The following PDE3A variants were observed in gnomAD, a reference collection of about 807,000 sequenced individuals.
PDE3A encodes cGMP-inhibited 3',5'-cyclic phosphodiesterase 3A.
PDE3A carries 43 observed loss-of-function variants against 98.3 expected under a neutral mutation model. The ratio of observed to expected loss-of-function variants is 0.44; its 90% CI spans 0.34 to 0.56. The LOEUF (loss-of-function observed/expected upper bound fraction) is 0.56, where lower values mean the gene tolerates loss of function less well. PDE3A is among the 20% of genes least tolerant of loss of function. The probability of loss-of-function intolerance (pLI) is 0.01; values close to 1 mark genes in which losing one functional copy is unlikely to be tolerated. For synonymous variants in PDE3A, 663 were observed against 567.9 expected (o/e 1.17, Z -2.38); for missense variants, 1,427 against 1,440.7 (o/e 0.99, Z 0.15).
chr12:20,440,049 TA>T (rs887997119), intron 1 of PDE3A, among the ~76,000 whole-genome samples: 2 of 152,138 alleles, frequency 1.3e-5, no homozygotes, highest in African/African-American at 2.4e-5. Context: ...GGGTACTGTA[TA>T]AAAAATGATG....
At chr12:20,568,550 A>G (rs1221268202) in intron 2 of PDE3A, among the ~76,000 whole-genome samples, 1 of 151,986 alleles carries the variant, frequency 6.6e-6, no homozygotes, top group Non-Finnish European at 1.5e-5. Flanking sequence ...AGAGGCTGTC[A>G]TTTGTTATAC....
Position 20,644,888 on chromosome 12 carries a change from CTTCTT to C in PDE3A, c.2252-1599_2252-1595del, listed in dbSNP as rs1385490264. Among the ~76,000 whole-genome samples, 483 of 83,838 alleles carry C rather than the reference CTTCTT, an allele frequency of 5.8e-3. 6 individuals carry two copies. Among genetic ancestry groups the C allele is most frequent in the African/African-American group, 0.023 (461 of 20,290 alleles). 55.0% of individuals were successfully genotyped at this position (83,838 alleles called of 152,430 possible). On this transcript the variant is annotated intron_variant, in intron 10 of 15. Coordinates refer to ENST00000359062, the MANE Select transcript of PDE3A (RefSeq NM_000921.5). ...CCTCTTCCCCCTCTTCCTCTTCTTC[CTTCTT>C]TTTTTTTTTTTTTTGGATACAGTTT...
Position 20,559,670 on chromosome 12 carries a change from C to CAA in PDE3A, c.1011+2970_1011+2971dup, listed in dbSNP as rs147667067. On this transcript the variant is annotated intron_variant, in intron 2 of 15. Coordinates refer to ENST00000359062, the MANE Select transcript of PDE3A (RefSeq NM_000921.5). Reference sequence around the variant, plus strand: ...TGGGCAACAGAACGAGACCCCATATCAAAAAAAAAAAGACTGCATATATAC... The same window carrying CAA: ...TGGGCAACAGAACGAGACCCCATATCAAAAAAAAAAAAAGACTGCATATATAC... Among the ~76,000 whole-genome samples the CAA allele has an allele frequency of 5.7e-3, 789 of 137,740 alleles. 5 individuals carry two copies. Among genetic ancestry groups the CAA allele is most frequent in the Non-Finnish European group, 8.2e-3 (523 of 63,500 alleles). 90.4% of individuals were successfully genotyped at this position (137,740 alleles called of 152,430 possible). A position where few individuals can be genotyped will look rare whatever the true frequency, so the allele number is the denominator to read the frequency against.
At chr12:20,542,010 A>C (rs1207155345) in intron 1 of PDE3A, among the ~76,000 whole-genome samples, 1 of 152,122 alleles carries the variant, frequency 6.6e-6, no homozygotes, top group Non-Finnish European at 1.5e-5. Flanking sequence ...CAAATAAGAA[A>C]GCCAAGGGTC....
intron 15 of PDE3A, among the ~76,000 whole-genome samples, chr12:20,673,874 A>G (rs1402885638): frequency 2.0e-5 from 3 of 151,932 alleles, no homozygotes; most frequent in Admixed American, 6.6e-5. Flanking sequence ...AAAAATAAAA[A>G]TAAAAATAAA....
chr12:20,608,128 G>A (rs934495535), intron 2 of PDE3A, among the ~76,000 whole-genome samples: 2 of 152,026 alleles, frequency 1.3e-5, no homozygotes, highest in African/African-American at 4.8e-5. Context: ...TAGCTTACCT[G>A]CTATTTATTG....
intron 6 of PDE3A, among the ~76,000 whole-genome samples, chr12:20,632,193 T>C (rs567295062): frequency 6.6e-6 from 1 of 152,336 alleles, no homozygotes; most frequent in African/African-American, 2.4e-5. Flanking sequence ...GTCCTATCAT[T>C]TTCTTTTTAT....
intron 1 of PDE3A, among the ~76,000 whole-genome samples, chr12:20,474,073 G>A (rs1945485498): frequency 6.6e-6 from 1 of 152,148 alleles, no homozygotes; most frequent in South Asian, 2.1e-4. Context: ...ACACTCCAAA[G>A]TGATTGTAGC....
intron 1 of PDE3A, among the ~76,000 whole-genome samples, chr12:20,479,718 ACACTTGGG>A (rs1458858617): frequency 6.6e-6 from 1 of 152,182 alleles, no homozygotes; most frequent in Non-Finnish European, 1.5e-5. Flanking sequence ...TACACTGAGG[ACACTTGGG>A]CAAGAGGCTT....
chr12:20,672,552 A>G (rs1374694810), intron 15 of PDE3A, among the ~76,000 whole-genome samples: 2 of 151,250 alleles, frequency 1.3e-5, no homozygotes, highest in Admixed American at 6.6e-5. Flanking sequence ...CTGCATATCT[A>G]CAACTATCTG....
At chr12:20,518,533 T>G (rs1398300896) in intron 1 of PDE3A, among the ~76,000 whole-genome samples, 4 of 148,914 alleles carry the variant, frequency 2.7e-5, no homozygotes, top group African/African-American at 9.9e-5. Context: ...AATAGAAGAC[T>G]GCTTTTTAAA....
chr12:20,428,602 T>G (rs894972633), intron 1 of PDE3A, among the ~76,000 whole-genome samples: 2 of 152,072 alleles, frequency 1.3e-5, no homozygotes. Flanking sequence ...TTTAAAGATA[T>G]TTATTTATAT....
intron 1 of PDE3A, among the ~76,000 whole-genome samples, chr12:20,455,562 A>C (rs917238003): frequency 5.3e-5 from 8 of 152,214 alleles, no homozygotes; most frequent in Non-Finnish European, 7.3e-5. Context: ...CAAATAAATT[A>C]AGATGAAAGA....
intron 1 of PDE3A, among the ~76,000 whole-genome samples, chr12:20,469,965 C>T (rs1945408042): frequency 6.6e-6 from 1 of 152,160 alleles, no homozygotes; most frequent in South Asian, 2.1e-4. Flanking sequence ...CTCTAAATGA[C>T]ATTCTCTGCC....
chr12:20,611,310 T>G (rs559044222), intron 2 of PDE3A, among the ~76,000 whole-genome samples: 48 of 152,064 alleles, frequency 3.2e-4, no homozygotes, highest in African/African-American at 1.2e-3. Context: ...TTCATATTGG[T>G]TCATAAGAGA....
At chr12:20,494,244 A>G (rs556552282) in intron 1 of PDE3A, among the ~76,000 whole-genome samples, 3 of 152,326 alleles carry the variant, frequency 2.0e-5, no homozygotes, top group South Asian at 2.1e-4. Flanking sequence ...ACCCAATTCA[A>G]TTTTATAGAG....
At chr12:20,461,908 A>G (rs2120929314) in intron 1 of PDE3A, among the ~76,000 whole-genome samples, 1 of 152,270 alleles carries the variant, frequency 6.6e-6, no homozygotes, top group South Asian at 2.1e-4. Context: ...TAGTATTAGA[A>G]GGTTTTAAAA....
intron 2 of PDE3A, among the ~76,000 whole-genome samples, chr12:20,591,650 C>A (rs1943341888): frequency 6.6e-6 from 1 of 152,170 alleles, no homozygotes; most frequent in Non-Finnish European, 1.5e-5. Flanking sequence ...CCCCGTAAGT[C>A]CAGTCTAGGG....
chr12:20,655,616 C>A (rs1322890895), intron 15 of PDE3A, among the ~76,000 whole-genome samples: 1 of 152,280 alleles, frequency 6.6e-6, no homozygotes, highest in South Asian at 2.1e-4. Context: ...AACAGAAGAA[C>A]AGCAACAACA....
Sources: allele counts gnomAD v4.1 joint callset (sites outside exome capture counted in the v4.1 genomes callset), GRCh38; gene constraint gnomAD v4.1.1; transcripts MANE v1.5; gene names NCBI Gene and HGNC (gene_info 2026-07-23, HGNC 2026-07-21).